Variants in ZBBX observed in about 807,000 individuals in gnomAD.
The protein encoded by ZBBX is zinc finger B-box domain-containing protein 1.
ZBBX carries 101 observed loss-of-function variants against 108.5 expected under a neutral mutation model. The ratio of observed to expected loss-of-function variants is 0.93; its 90% CI spans 0.79 to 1.10. The LOEUF (loss-of-function observed/expected upper bound fraction) is 1.10, where lower values mean the gene tolerates loss of function less well. Ranked by LOEUF, ZBBX falls within the 50% of genes least tolerant of loss-of-function variation. ZBBX has a pLI of 0.00. For synonymous variants in ZBBX, 356 were observed against 323.4 expected, an observed-to-expected ratio of 1.10 and a Z score of -1.08; for missense variants, 1,009 against 941.4, an observed-to-expected ratio of 1.07 and a Z score of -0.94.
At chr3:167,399,402 C>T (rs752585217) in intron 1 of ZBBX, 1 of 152,132 alleles carries the variant, frequency 6.6e-6, no homozygotes, top group African/African-American at 2.4e-5. Flanking sequence ...AAGCTGCTTC[C>T]CTTCTACTAT....
At position 167,240,214 on chromosome 3, in the gene ZBBX, C is replaced by G. The variant is rs528366513; in HGVS notation, c.*579G>C. The G allele has an allele frequency of 6.6e-6, 1 of 152,478 alleles. No individual in the cohort carries two copies. The highest frequency in any genetic ancestry group is 2.1e-4 in the South Asian group (1 of 4,836). The allele number at this position is 152,478 out of a possible 1,614,324, so 9.4% of individuals were successfully genotyped here. A position where few individuals can be genotyped will look rare whatever the true frequency, so the allele number is the denominator to read the frequency against. ...CACATAAAGCTAATCACTACATTGA[C>G]CTTCTTAAAAAAAGATGCTTAGAGG... On this transcript the variant is annotated 3_prime_UTR_variant, in exon 22 of 22. Coordinates refer to ENST00000675490, the MANE Select transcript of ZBBX (RefSeq NM_001199201.2).
chr3:167,242,557 CTG>C lies in ZBBX; in HGVS notation c.2339_2340del (p.Thr780ArgfsTer4). 6.2e-7 allele frequency: 1 copy of C among 1,613,542 alleles called. No homozygotes were observed. The highest frequency in any genetic ancestry group is 8.5e-7 in the Non-Finnish European group (1 of 1,179,730). ...SQSLNISQIS[T>X]DFLKTSHVRG... is the part of the protein sequence containing the mutation. ...CTCACATGTGAGGTCTTAAGGAAATCTGTGGAAATCTGACTTATATTCAGTGA... is the reference window on the plus strand; with the variant it reads ...CTCACATGTGAGGTCTTAAGGAAATCTGGAAATCTGACTTATATTCAGTGA... On this transcript the variant is annotated frameshift_variant, in exon 21 of 22. Coordinates refer to ENST00000675490, the MANE Select transcript of ZBBX (RefSeq NM_001199201.2). LOFTEE classifies it high-confidence loss of function.
chr3:167,218,886 C>G, the ZBBX span, among the ~76,000 whole-genome samples: 4 of 152,010 alleles, frequency 2.6e-5, no homozygotes, highest in African/African-American at 7.2e-5. Context: ...ACAAGAAACA[C>G]ACTTCCTCTG....
intron 1 of ZBBX, among the ~76,000 whole-genome samples, chr3:167,393,427 T>A (rs555582468): frequency 6.6e-6 from 1 of 151,940 alleles, no homozygotes; most frequent in African/African-American, 2.4e-5. Context: ...ATTTTATTCA[T>A]TTTTATTGAT....
chr3:167,286,796 A>C (rs1729785271), intron 19 of ZBBX, among the ~76,000 whole-genome samples: 1 of 152,124 alleles, frequency 6.6e-6, no homozygotes, highest in Admixed American at 6.6e-5. Flanking sequence ...CAGGGATGAG[A>C]AGAATGAATA....
the ZBBX span, among the ~76,000 whole-genome samples, chr3:167,220,835 GACC>G: frequency 6.6e-6 from 1 of 151,774 alleles, no homozygotes; most frequent in African/African-American, 2.4e-5. Flanking sequence ...AAAGTCTAAA[GACC>G]ACCAAAAAAC....
the ZBBX span, among the ~76,000 whole-genome samples, chr3:167,203,287 A>G: frequency 6.6e-6 from 1 of 151,946 alleles, no homozygotes; most frequent in Non-Finnish European, 1.5e-5. Flanking sequence ...TTATAGCAAC[A>G]CCAGTCATAT....
At chr3:167,317,974 T>G (rs1050319427) in intron 12 of ZBBX, among the ~76,000 whole-genome samples, 2 of 152,006 alleles carry the variant, frequency 1.3e-5, no homozygotes, top group African/African-American at 4.8e-5. Flanking sequence ...GGCATTGTGT[T>G]GATGAGTTCT....
At chr3:167,396,439 T>C (rs564968930) in intron 1 of ZBBX, among the ~76,000 whole-genome samples, 1 of 152,122 alleles carries the variant, frequency 6.6e-6, no homozygotes, top group East Asian at 1.9e-4. Context: ...CCTGTAGCCA[T>C]GTGTAGCAAC....
the ZBBX span, among the ~76,000 whole-genome samples, chr3:167,184,701 C>T: frequency 1.6e-4 from 25 of 151,992 alleles, no homozygotes; most frequent in African/African-American, 2.7e-4. Flanking sequence ...CTTCCACCTC[C>T]GAAAGCAGTA....
At chr3:167,225,859 T>C in the ZBBX span, among the ~76,000 whole-genome samples, 1 of 151,806 alleles carries the variant, frequency 6.6e-6, no homozygotes, top group Non-Finnish European at 1.5e-5. Context: ...AGGTGGTTTA[T>C]TACTAAGATC....
intron 8 of ZBBX, among the ~76,000 whole-genome samples, chr3:167,351,145 G>A (rs1326609704): frequency 2.0e-5 from 3 of 151,808 alleles, no homozygotes; most frequent in African/African-American, 7.3e-5. Flanking sequence ...TGTCTGTAAT[G>A]TTAATAACTG....
the ZBBX span, among the ~76,000 whole-genome samples, chr3:167,191,934 T>TAGAGAGAGAGAGAGAGAG: frequency 6.8e-4 from 88 of 130,210 alleles, 1 homozygote; most frequent in African/African-American, 2.6e-3. Flanking sequence ...TATATATATA[T>TAGAGAGAGAGAGAGAGAG]AGAGCAAGTT....
intron 18 of ZBBX, among the ~76,000 whole-genome samples, chr3:167,296,153 C>T (rs770021217): frequency 1.3e-5 from 2 of 151,872 alleles, no homozygotes; most frequent in Admixed American, 6.6e-5. Flanking sequence ...GAAAAAAACA[C>T]ATAATCATCT....
At chr3:167,257,365 T>G (rs2108395310) in intron 20 of ZBBX, among the ~76,000 whole-genome samples, 1 of 152,266 alleles carries the variant, frequency 6.6e-6, no homozygotes, top group East Asian at 1.9e-4. Flanking sequence ...CAAGGATTAT[T>G]TAATTTCTTC....
At chr3:167,225,469 AC>A in the ZBBX span, among the ~76,000 whole-genome samples, 1 of 151,734 alleles carries the variant, frequency 6.6e-6, no homozygotes, top group African/African-American at 2.4e-5. Context: ...TCATACCCAG[AC>A]CCTAAAAGCC....
intron 15 of ZBBX, 36 bp from the exon 16 acceptor site, chr3:167,314,152 G>A (rs1175208982): frequency 1.3e-6 from 2 of 1,499,522 alleles, no homozygotes; most frequent in Non-Finnish European, 8.9e-7. Flanking sequence ...TAATAGAGTT[G>A]AAAAAATGAT....
At chr3:167,352,415 C>G (rs769214918) in intron 8 of ZBBX, among the ~76,000 whole-genome samples, 1 of 151,990 alleles carries the variant, frequency 6.6e-6, no homozygotes, top group Non-Finnish European at 1.5e-5. Context: ...AACGCACAGC[C>G]TCTCAAGGTT....
chr3:167,314,619 G>C (rs1490464242), intron 15 of ZBBX, among the ~76,000 whole-genome samples: 1 of 152,064 alleles, frequency 6.6e-6, no homozygotes, highest in Non-Finnish European at 1.5e-5. Flanking sequence ...AATATATTTA[G>C]TAATACCTGA....
Sources: gnomAD v4.1 joint callset for allele counts (sites outside exome capture counted in the v4.1 genomes callset) on GRCh38, gnomAD v4.1.1 for gene constraint, MANE v1.5 for transcripts, NCBI Gene and HGNC (gene_info 2026-07-23, HGNC 2026-07-21) for gene names.